The following ANXA8 variants were observed in gnomAD, a reference collection of about 807,000 sequenced individuals.
ANXA8 encodes annexin A8, also known as VAC-beta.
In ANXA8, 9 loss-of-function variants were observed where a neutral mutation model predicts 26.8. That is an observed-to-expected ratio of 0.34 (90% CI 0.20 to 0.59). ANXA8 has a LOEUF of 0.59. ANXA8 is among the 20% of genes least tolerant of loss of function. The probability of loss-of-function intolerance (pLI) is 0.84; values close to 1 mark genes in which losing one functional copy is unlikely to be tolerated. For synonymous variants in ANXA8, 39 were observed against 94.8 expected, an observed-to-expected ratio of 0.41 and a Z score of 3.42; for missense variants, 83 against 238.5, an observed-to-expected ratio of 0.35 and a Z score of 4.29.
chr10:47,907,169 C>A, the ANXA8 span, among the ~76,000 whole-genome samples: 1 of 151,666 alleles, frequency 6.6e-6, no homozygotes, highest in Non-Finnish European at 1.5e-5. Context: ...TCCTGGCTAA[C>A]ACGGTGAAAC....
chr10:47,939,131 C>T, the ANXA8 span, among the ~76,000 whole-genome samples: 3 of 145,690 alleles, frequency 2.1e-5, no homozygotes, highest in Non-Finnish European at 1.5e-5. Context: ...GCATAAAAGC[C>T]CATCTCTACT....
At chr10:47,506,743 G>A in the ANXA8 span, among the ~76,000 whole-genome samples, 399 of 143,164 alleles carry the variant, frequency 2.8e-3, no homozygotes, top group African/African-American at 9.5e-3. Flanking sequence ...AAGTTCAAGC[G>A]GTTCTCCTGC....
the ANXA8 span, chr10:47,589,460 A>G: frequency 6.8e-6 from 1 of 146,196 alleles, no homozygotes; most frequent in African/African-American, 2.8e-5. Context: ...TGCCGTGGGG[A>G]CTTTTCCAGC....
chr10:47,589,797 T>C, the ANXA8 span, among the ~76,000 whole-genome samples: 51 of 145,328 alleles, frequency 3.5e-4, 6 homozygotes, highest in Non-Finnish European at 4.3e-4. Flanking sequence ...CTTTTCAGAT[T>C]GCAGGATCCT....
chr10:47,645,710 T>C, the ANXA8 span, among the ~76,000 whole-genome samples: 1 of 151,196 alleles, frequency 6.6e-6, no homozygotes, highest in East Asian at 1.9e-4. Flanking sequence ...AGTATGTCTG[T>C]GTTTCCAGAG....
At chr10:47,651,297 A>C in the ANXA8 span, among the ~76,000 whole-genome samples, 1 of 149,782 alleles carries the variant, frequency 6.7e-6, no homozygotes, top group African/African-American at 2.5e-5. Flanking sequence ...AAAAAAAAAA[A>C]CCCAAAAAAC....
the ANXA8 span, among the ~76,000 whole-genome samples, chr10:47,744,569 G>T: frequency 2.0e-5 from 3 of 151,484 alleles, no homozygotes; most frequent in Non-Finnish European, 2.9e-5. Flanking sequence ...AAAGCTACAA[G>T]TGGAGAGGGG....
At chr10:47,595,527 C>G in the ANXA8 span, among the ~76,000 whole-genome samples, 57 of 149,218 alleles carry the variant, frequency 3.8e-4, 1 homozygote, top group Non-Finnish European at 2.5e-4. Flanking sequence ...CATCTCACAA[C>G]TAATGACACT....
chr10:47,590,835 G>T, the ANXA8 span, among the ~76,000 whole-genome samples: 1 of 128,506 alleles, frequency 7.8e-6, no homozygotes, highest in African/African-American at 4.0e-5. Flanking sequence ...TATCCCTTTC[G>T]TTACCTTCAA....
chr10:47,977,262 A>T, the ANXA8 span, among the ~76,000 whole-genome samples: 1 of 132,158 alleles, frequency 7.6e-6, no homozygotes, highest in Admixed American at 8.0e-5. Context: ...TTAGTCCAGG[A>T]AATTCACGAA....
At chr10:47,924,999 T>A in the ANXA8 span, among the ~76,000 whole-genome samples, 1 of 111,738 alleles carries the variant, frequency 8.9e-6, no homozygotes. Flanking sequence ...TGGTATTGAG[T>A]GATTTATTGA....
the ANXA8 span, among the ~76,000 whole-genome samples, chr10:47,625,710 A>G: frequency 2.6e-5 from 4 of 152,004 alleles, no homozygotes; most frequent in East Asian, 3.8e-4. Flanking sequence ...CCTACTTACT[A>G]TATTTTGTGT....
intron 11 of ANXA8, among the ~76,000 whole-genome samples, chr10:47,470,019 C>T (rs1208614011): frequency 9.9e-5 from 15 of 151,578 alleles, no homozygotes; most frequent in South Asian, 4.1e-4. Context: ...ACTGGGATTA[C>T]GGGTGTGGGC....
At chr10:47,942,261 T>C in the ANXA8 span, among the ~76,000 whole-genome samples, 2 of 146,428 alleles carry the variant, frequency 1.4e-5, no homozygotes, top group Admixed American at 1.4e-4. Flanking sequence ...GTTCTGTCAG[T>C]GGAGGCTGGT....
chr10:47,708,899 T>A, the ANXA8 span, among the ~76,000 whole-genome samples: 2 of 149,986 alleles, frequency 1.3e-5, no homozygotes, highest in Non-Finnish European at 2.9e-5. Flanking sequence ...ATGTCAGAGA[T>A]GTTTTTGTTC....
At chr10:47,657,499 C>G in the ANXA8 span, among the ~76,000 whole-genome samples, 2 of 151,812 alleles carry the variant, frequency 1.3e-5, no homozygotes, top group African/African-American at 4.9e-5. Flanking sequence ...ATAGCTGTGG[C>G]CTTACAAAAC....
chr10:47,581,005 G>A, the ANXA8 span, among the ~76,000 whole-genome samples: 2 of 150,278 alleles, frequency 1.3e-5, no homozygotes, highest in East Asian at 1.9e-4. Flanking sequence ...GAATCTGGGA[G>A]ACAGAGGTTT....
the ANXA8 span, among the ~76,000 whole-genome samples, chr10:47,554,433 G>C: frequency 1.3e-5 from 2 of 151,116 alleles, no homozygotes; most frequent in South Asian, 4.2e-4. Flanking sequence ...TCCCGGGAAA[G>C]GGGCTTTCCC....
At chr10:47,519,488 G>A in the ANXA8 span, among the ~76,000 whole-genome samples, 1 of 124,212 alleles carries the variant, frequency 8.1e-6, no homozygotes, top group Admixed American at 8.2e-5. Context: ...AAAAAAAAGA[G>A]TGTGGTACCT....
Sources: gnomAD v4.1 joint callset for allele counts (sites outside exome capture counted in the v4.1 genomes callset) on GRCh38, gnomAD v4.1.1 for gene constraint, MANE v1.5 for transcripts, NCBI Gene and HGNC (gene_info 2026-07-23, HGNC 2026-07-21) for gene names.